Variants in GABRB3 observed in about 807,000 individuals in gnomAD.
GABRB3 encodes gamma-aminobutyric acid type A receptor subunit beta3, also known as gamma-aminobutyric acid receptor subunit beta-3.
In GABRB3, 14 loss-of-function variants were observed where a neutral mutation model predicts 52.1. That is an observed-to-expected ratio of 0.27 (90% CI 0.18 to 0.42). The LOEUF is 0.42. Among genes scored for constraint, GABRB3 ranks in the 10% least tolerant of loss-of-function variants. The pLI is 1.00. For synonymous variants in GABRB3, 260 were observed against 232.3 expected, an observed-to-expected ratio of 1.12 and a Z score of -1.08; for missense variants, 307 against 609.1, an observed-to-expected ratio of 0.50 and a Z score of 5.22.
Position 26,621,642 on chromosome 15 carries a change from CAGGAGA to C in GABRB3, c.241-114_241-109del. 1 of 813,428 alleles carries C rather than the reference CAGGAGA, an allele frequency of 1.2e-6. No individual in the cohort carries two copies. Among genetic ancestry groups the C allele is most frequent in the East Asian group, 2.6e-5 (1 of 38,662 alleles). The allele number at this position is 813,428 out of a possible 1,614,324, so 50.4% of individuals were successfully genotyped here. On this transcript the variant is annotated intron_variant, in intron 3 of 8. Transcript: ENST00000311550. This position sits in a 1 kb window ranked among gnomAD's most constrained non-coding sequence, Gnocchi z 4.1. Reference sequence around the variant, plus strand: ...CAATCTAGGCTCTACAGTGAATAACCAGGAGAAACGGATGCCATTTTTATGCAGAAT... The same window carrying C: ...CAATCTAGGCTCTACAGTGAATAACCAACGGATGCCATTTTTATGCAGAAT...
chr15:26,703,741 C>T (rs1337234123), intron 3 of GABRB3, among the ~76,000 whole-genome samples: 1 of 152,286 alleles, frequency 6.6e-6, no homozygotes, highest in Middle Eastern at 3.4e-3. Flanking sequence ...GGTAACAGGT[C>T]CCAAGTAAGT....
At chr15:26,748,842 G>T (rs1168631664) in intron 3 of GABRB3, among the ~76,000 whole-genome samples, 2 of 151,860 alleles carry the variant, frequency 1.3e-5, no homozygotes, top group Non-Finnish European at 2.9e-5. Context: ...CCTTGCCAAC[G>T]TGGTGAAACC....
At chr15:26,585,298 G>A (rs1233100710) in intron 4 of GABRB3, among the ~76,000 whole-genome samples, 1 of 152,148 alleles carries the variant, frequency 6.6e-6, no homozygotes, top group Non-Finnish European at 1.5e-5. Flanking sequence ...CTGTCCTTCA[G>A]GTTTCATCTT....
intron 8 of GABRB3, among the ~76,000 whole-genome samples, chr15:26,551,837 G>A (rs1889477367): frequency 6.6e-6 from 1 of 151,586 alleles, no homozygotes; most frequent in Non-Finnish European, 1.5e-5. Flanking sequence ...TTGGAGATGG[G>A]AATGGACCGA....
chr15:26,564,137 T>A (rs536763412), intron 7 of GABRB3, among the ~76,000 whole-genome samples: 2 of 152,160 alleles, frequency 1.3e-5, no homozygotes, highest in Admixed American at 6.5e-5. Flanking sequence ...AAATGCTAAT[T>A]GGAGCATTTC....
chr15:26,622,464 A>T (rs1201780144), intron 3 of GABRB3, among the ~76,000 whole-genome samples: 1 of 152,246 alleles, frequency 6.6e-6, no homozygotes, highest in Non-Finnish European at 1.5e-5. Context: ...TTCTGTGGAA[A>T]GATACAAGCT....
intron 3 of GABRB3, among the ~76,000 whole-genome samples, chr15:26,710,882 T>C (rs111675477): frequency 0.017 from 2,526 of 151,910 alleles, 28 homozygotes; most frequent in Non-Finnish European, 0.027. Context: ...ATTTTCTTAA[T>C]GAATAACACT....
At chr15:26,623,535 T>C (rs1210897814) in intron 3 of GABRB3, among the ~76,000 whole-genome samples, 2 of 130,462 alleles carry the variant, frequency 1.5e-5, no homozygotes, top group East Asian at 4.0e-4. Context: ...CCCAACCATC[T>C]CTTTTGTTTG....
At chr15:26,730,721 T>C (rs1595555878) in intron 3 of GABRB3, among the ~76,000 whole-genome samples, 1 of 152,338 alleles carries the variant, frequency 6.6e-6, no homozygotes, top group East Asian at 1.9e-4. Flanking sequence ...ATAGAGAAGA[T>C]AGGAACGAAA....
chr15:26,772,532 G>C lies in GABRB3; in HGVS notation c.173-63C>G. 4 of 1,549,294 alleles carry C rather than the reference G, an allele frequency of 2.6e-6. No individual in the cohort carries two copies. The South Asian group carries it at 4.7e-5, about 18-fold the overall frequency. ...CGGCGCGGGGCGCGGGCGGCTCTGA[G>C]GACTGGGGGCTATCCCAGGAGGGGC... On this transcript the variant is annotated intron_variant, in intron 2 of 8. Transcript: ENST00000311550.
chr15:26,567,924 C>T (rs1890240561), intron 6 of GABRB3, among the ~76,000 whole-genome samples, 191 bp from the exon 7 acceptor site: 1 of 152,198 alleles, frequency 6.6e-6, no homozygotes, highest in African/African-American at 2.4e-5. Flanking sequence ...GCTTTTCGGT[C>T]TATTTATAAG....
intron 3 of GABRB3, among the ~76,000 whole-genome samples, chr15:26,766,231 C>G (rs1890992858): frequency 6.6e-6 from 1 of 152,162 alleles, no homozygotes; most frequent in Non-Finnish European, 1.5e-5. Context: ...ATGCAATGAT[C>G]AGCATGCATA....
intron 3 of GABRB3, among the ~76,000 whole-genome samples, chr15:26,723,209 T>G (rs1224217562): frequency 6.6e-6 from 1 of 152,240 alleles, no homozygotes; most frequent in African/African-American, 2.4e-5. Flanking sequence ...ACTAATTTTA[T>G]CATTAGAGTC....
intron 4 of GABRB3, among the ~76,000 whole-genome samples, chr15:26,611,514 T>C (rs1387124150): frequency 6.6e-6 from 1 of 152,172 alleles, no homozygotes; most frequent in African/African-American, 2.4e-5. Flanking sequence ...AATAAAAGAA[T>C]AACTTTTGTC....
intron 4 of GABRB3, chr15:26,611,811 C>T (rs958347982): frequency 1.3e-5 from 2 of 152,114 alleles, no homozygotes; most frequent in Admixed American, 6.5e-5. Flanking sequence ...ATAGTTAAAG[C>T]TCTTAGCGTT....
chr15:26,582,755 T>C (rs1890833641), intron 5 of GABRB3, among the ~76,000 whole-genome samples: 4 of 152,200 alleles, frequency 2.6e-5, no homozygotes, highest in Admixed American at 2.6e-4. Context: ...AACCAGTTCA[T>C]AATAGGCCAA....
At chr15:26,745,723 T>C (rs1355182287) in intron 3 of GABRB3, among the ~76,000 whole-genome samples, 1 of 152,236 alleles carries the variant, frequency 6.6e-6, no homozygotes, top group African/African-American at 2.4e-5. Flanking sequence ...AAATAAAATA[T>C]AGTGTAACCT....
chr15:26,738,396 C>T (rs114668213), intron 3 of GABRB3, among the ~76,000 whole-genome samples: 2,187 of 152,282 alleles, frequency 0.014, 55 homozygotes, highest in African/African-American at 0.05. Flanking sequence ...CTTGGGCTTA[C>T]TGACAAAAAG....
chr15:26,667,606 G>A (rs188535718), intron 3 of GABRB3, among the ~76,000 whole-genome samples: 15 of 152,260 alleles, frequency 9.9e-5, no homozygotes, highest in Admixed American at 7.8e-4. Context: ...GTATTAAAAG[G>A]TGACCTCCAC....
Sources: allele counts gnomAD v4.1 joint callset (sites outside exome capture counted in the v4.1 genomes callset), GRCh38; gene constraint gnomAD v4.1.1; non-coding constraint Gnocchi (gnomAD v3.1); transcripts MANE v1.5; gene names NCBI Gene and HGNC (gene_info 2026-07-23, HGNC 2026-07-21).